Variants in CEP250 observed in about 807,000 individuals in gnomAD.
CEP250 encodes the protein centrosomal protein 250.
A neutral mutation model predicts 315.7 loss-of-function variants in CEP250; 242 were observed. That is an observed-to-expected ratio of 0.77 (90% CI 0.69 to 0.85). CEP250 has a LOEUF of 0.85. Ranked by LOEUF, CEP250 falls within the 40% of genes least tolerant of loss-of-function variation. CEP250 has a pLI of 0.00. For missense variants in CEP250, 2,515 were observed against 2,886.4 expected (o/e 0.87, Z 2.95); for synonymous variants, 1,088 against 1,175.0 (o/e 0.93, Z 1.51).
chr20:35,474,401 A>T (rs1206544414), intron 14 of CEP250, among the ~76,000 whole-genome samples: 6 of 152,244 alleles, frequency 3.9e-5, no homozygotes, highest in Non-Finnish European at 8.8e-5. Flanking sequence ...CTTTGGGAGC[A>T]CAGGAGTGAC....
rs2064068726 is a variant in CEP250, at chr20:35,503,212, G to C, written c.4843G>C (p.Glu1615Gln). The C allele has an allele frequency of 1.2e-6, 2 of 1,614,028 alleles. No individual in the cohort carries two copies. Among genetic ancestry groups the C allele is most frequent in the East Asian group, 2.2e-5 (1 of 44,898 alleles). Residue 1615 changes from glutamate to glutamine, a missense_variant, in exon 30 of 35, where the codon GAG becomes CAG. Coordinates refer to ENST00000397527, the MANE Select transcript of CEP250 (RefSeq NM_007186.6). This position sits in a 1 kb window ranked among gnomAD's most constrained non-coding sequence, Gnocchi z 4.2. ...ACAAAGCAGCCAGATCCATGACCTG[G>C]AGAGCCACAGCACCGTTCTGGCAAG... ...QAQSSQIHDL[E>Q]SHSTVLAREL...
Position 35,472,030 on chromosome 20 carries a change from CTG to C in CEP250, c.949-18_949-17del, listed in dbSNP as rs767701253. On this transcript the variant is annotated intron_variant, in intron 10 of 34. Coordinates refer to ENST00000397527, the MANE Select transcript of CEP250 (RefSeq NM_007186.6). Reference sequence around the variant, plus strand: ...CTTTTGAGAGTTTGGCTCTGAGGCTCTGTTCTATTCCCTGTTCAGGAGACAAA... The same window carrying C: ...CTTTTGAGAGTTTGGCTCTGAGGCTCTTCTATTCCCTGTTCAGGAGACAAA... 2.1e-6 allele frequency: 3 copies of C among 1,438,882 alleles called. No homozygotes were observed. The African/African-American group carries it at 4.2e-5, about 20-fold the overall frequency. 89.1% of individuals were successfully genotyped at this position (1,438,882 alleles called of 1,614,324 possible). A position where few individuals can be genotyped will look rare whatever the true frequency, so the allele number is the denominator to read the frequency against.
chr20:35,476,435 T>C lies in CEP250; in HGVS notation c.1717-14T>C. 1 of 1,607,766 alleles carries C rather than the reference T, an allele frequency of 6.2e-7. No homozygotes were observed. Among genetic ancestry groups the C allele is most frequent in the Non-Finnish European group, 8.5e-7 (1 of 1,174,984 alleles). ...TTGGAAATATGAAACTCTTTAATCCTTTTTGTTTTTTAGGCAGAGCAGTCA... is the reference window on the plus strand; with the variant it reads ...TTGGAAATATGAAACTCTTTAATCCCTTTTGTTTTTTAGGCAGAGCAGTCA... On this transcript the variant is annotated splice_polypyrimidine_tract_variant and intron_variant, in intron 15 of 34. Coordinates refer to ENST00000397527, the MANE Select transcript of CEP250 (RefSeq NM_007186.6).
rs2063034157 is a variant in CEP250 at position 35,471,975 on chromosome 20, G to A, written c.949-75G>A. ...ATAGAATAGACAGAATGAGACTTTG[G>A]TTGTTTGGGGTCCTGGAATAATAAA... On this transcript the variant is annotated intron_variant, in intron 10 of 34. Coordinates refer to ENST00000397527, the MANE Select transcript of CEP250 (RefSeq NM_007186.6). 20 of 876,672 alleles carry A rather than the reference G, an allele frequency of 2.3e-5. No individual in the cohort carries two copies. The South Asian group carries it at 2.5e-4, about 11-fold the overall frequency. 54.3% of individuals were successfully genotyped at this position (876,672 alleles called of 1,614,324 possible).
In CEP250 at chr20:35,479,364, T is replaced by G; in HGVS notation, c.2228T>G (p.Val743Gly). ...GTACGAGAGAAAGCGGCTCTAGAGG[T>G]GCGGCTGCAGGCCGTGGAGCGTGAC... ...ALVREKAALEVRLQAVERDRQ... is the reference protein window; with the variant it reads ...ALVREKAALEGRLQAVERDRQ... Residue 743 changes from valine to glycine, a missense_variant, in exon 18 of 35, where the codon GTG becomes GGG. Transcript: ENST00000397527. 6.2e-7 allele frequency: 1 copy of G among 1,613,914 alleles called. No homozygotes were observed. Among genetic ancestry groups the G allele is most frequent in the East Asian group, 2.2e-5 (1 of 44,858 alleles).
In CEP250 at chr20:35,491,192, A is replaced by AC. The variant is rs755773363; in HGVS notation, c.2755-14dup. 73 of 1,608,596 alleles carry AC rather than the reference A, an allele frequency of 4.5e-5. No homozygotes were observed. In the Middle Eastern group the frequency reaches 1.6e-3, roughly 35 times the overall value. On this transcript the variant is annotated intron_variant, in intron 21 of 34. Transcript: ENST00000397527. ...GGTAATCCTGAGCCCACAAGCTGTT[A>AC]CCCCCCTACCCCTCCACAGATGCAG...
Position 35,514,770 on chromosome 20 carries a change from A to G in CEP250, c.*3144A>G, listed in dbSNP as rs1042255264. 6.6e-6 allele frequency: 1 copy of G among 152,264 alleles called. No homozygotes were observed. The allele number at this position is 152,264 out of a possible 1,614,324, so 9.4% of individuals were successfully genotyped here. A position where few individuals can be genotyped will look rare whatever the true frequency, so the allele number is the denominator to read the frequency against. On this transcript the variant is annotated 3_prime_UTR_variant, in exon 35 of 35. Coordinates refer to ENST00000397527, the MANE Select transcript of CEP250 (RefSeq NM_007186.6). Reference sequence around the variant, plus strand: ...CAAAGTGCCAAAGGCTGTCTGCGCCAGGTCTGGGGCCCCCACTGGTCATAC... The same window carrying G: ...CAAAGTGCCAAAGGCTGTCTGCGCCGGGTCTGGGGCCCCCACTGGTCATAC...
intron 20 of CEP250, among the ~76,000 whole-genome samples, chr20:35,488,573 C>T (rs890700461): frequency 2.0e-5 from 3 of 152,090 alleles, no homozygotes; most frequent in Non-Finnish European, 2.9e-5. Context: ...AAGTGATCCT[C>T]CTACCTCAGC....
chr20:35,479,693 A>C lies in CEP250; in HGVS notation c.2336A>C (p.Gln779Pro). ...LESSLFEAQQ[Q>P]NSVIEVTKGQ... ...AGCAGTCTGTTTGAAGCCCAACAAC[A>C]AAATTCTGTGATAGAGGTCACCAAG... The change falls in exon 19 of 35, where the codon CAA becomes CCA. Residue 779 changes from glutamine (Q) to proline (P), a missense_variant. By Grantham distance (76) the Gln-to-Pro change is moderately conservative. Coordinates refer to ENST00000397527, the MANE Select transcript of CEP250 (RefSeq NM_007186.6). 1 of 1,614,198 alleles carries C rather than the reference A, an allele frequency of 6.2e-7. No homozygotes were observed. The highest frequency in any genetic ancestry group is 8.5e-7 in the Non-Finnish European group (1 of 1,180,048).
In CEP250 at chr20:35,473,460, C is replaced by T. The variant is rs2063077925; in HGVS notation, c.1296C>T (p.Ala432=). The T allele has an allele frequency of 3.1e-6, 5 of 1,614,064 alleles. No homozygotes were observed. The highest frequency in any genetic ancestry group is 1.3e-5 in the African/African-American group (1 of 74,924). ...QHDQWEEEGK[A]LRQRLQKLTG... is the part of the protein sequence containing the mutation. ...ATCAGTGGGAGGAAGAGGGCAAAGC[C>T]TTGAGACAGCGGCTGCAGAAGCTCA... Residue 432 remains alanine, a synonymous_variant, in exon 13 of 35, where the codon GCC becomes GCT. Coordinates refer to ENST00000397527, the MANE Select transcript of CEP250 (RefSeq NM_007186.6).
At chr20:35,498,964 G>A (rs1219241408) in intron 27 of CEP250, among the ~76,000 whole-genome samples, 1 of 152,130 alleles carries the variant, frequency 6.6e-6, no homozygotes, top group Non-Finnish European at 1.5e-5. Flanking sequence ...GATCTTGAAT[G>A]AGCCCTGTAA....
rs777235501 is a variant in CEP250 at position 35,479,234 on chromosome 20, C to T, written c.2098C>T (p.Arg700Cys). Residue 700 changes from arginine to cysteine, a missense_variant, in exon 18 of 35, where the codon CGT becomes TGT. Transcript: ENST00000397527. ...EEIQKKLSESRHQQEAATTQL... is the reference protein window; with the variant it reads ...EEIQKKLSESCHQQEAATTQL... ...CTCACCACATTCTTCCCCTCAGTCA[C>T]GTCACCAGCAGGAGGCAGCCACGAC... 2.5e-6 allele frequency: 4 copies of T among 1,613,296 alleles called. No homozygotes were observed. The Admixed American group carries it at 5.0e-5, about 20-fold the overall frequency.
At position 35,504,017 on chromosome 20, in the gene CEP250, A is replaced by G. The variant is rs771679613; in HGVS notation, c.5648A>G (p.Gln1883Arg). Residue 1883 changes from glutamine to arginine, a missense_variant, in exon 30 of 35, where the codon CAG becomes CGG. Transcript: ENST00000397527. Reference sequence around the variant, plus strand: ...CTGGCAGTGGAGGGACGGCGGGTCCAGGCCCTGGAGGAGGTGCTGGGAGAC... The same window carrying G: ...CTGGCAGTGGAGGGACGGCGGGTCCGGGCCCTGGAGGAGGTGCTGGGAGAC... Reference protein sequence around the residue: ...EELAVEGRRVQALEEVLGDLR... With the variant: ...EELAVEGRRVRALEEVLGDLR... The G allele has an allele frequency of 1.2e-6, 2 of 1,607,700 alleles. No homozygotes were observed. Among genetic ancestry groups the G allele is most frequent in the Non-Finnish European group, 1.7e-6 (2 of 1,176,512 alleles).
Position 35,503,531 on chromosome 20 carries a change from G to A in CEP250, c.5162G>A (p.Arg1721His), listed in dbSNP as rs375993979. 24 of 1,613,938 alleles carry A rather than the reference G, an allele frequency of 1.5e-5. No individual in the cohort carries two copies. Among genetic ancestry groups the A allele is most frequent in the African/African-American group, 1.3e-4 (10 of 74,914 alleles). ...GGGAAGGGCCCAAGTAAAGCACAGC[G>A]CGGGAGCCTAGAGCACATGAAGCTG... Reference protein sequence around the residue: ...EEGKGPSKAQRGSLEHMKLIL... With the variant: ...EEGKGPSKAQHGSLEHMKLIL... Residue 1721 changes from arginine to histidine, a missense_variant, in exon 30 of 35, where the codon CGC becomes CAC. Physicochemically the swap from Arg to His is conservative, Grantham distance 29. Coordinates refer to ENST00000397527, the MANE Select transcript of CEP250 (RefSeq NM_007186.6). The surrounding 1 kb of genome is among the most constrained non-coding windows in gnomAD (Gnocchi z 4.2).
At chr20:35,500,366 G>T (rs2063968867) in intron 28 of CEP250, among the ~76,000 whole-genome samples, 197 bp downstream of exon 28, 1 of 152,240 alleles carries the variant, frequency 6.6e-6, no homozygotes, top group African/African-American at 2.4e-5. Context: ...GAGCAGCTAG[G>T]ATTATAGGCA....
chr20:35,465,763 G>A lies in CEP250; in HGVS notation c.264G>A (p.Trp88Ter). 6 of 1,607,098 alleles carry A rather than the reference G, an allele frequency of 3.7e-6. No homozygotes were observed. Among genetic ancestry groups the A allele is most frequent in the Non-Finnish European group, 5.1e-6 (6 of 1,177,214 alleles). ...EATGGPIPQR[W>*]ENVEEPNLDE... ...CGCAGGGACCAATCCCCCAGAGGTGGGAAAATGTGGAGGAGCCAAACCTGG... is the reference window on the plus strand; with the variant it reads ...CGCAGGGACCAATCCCCCAGAGGTGAGAAAATGTGGAGGAGCCAAACCTGG... The change falls in exon 6 of 35, where the codon TGG becomes TGA. Residue 88 changes from tryptophan (W) to a stop codon, truncating the protein, a stop_gained. Transcript: ENST00000397527. LOFTEE classifies it high-confidence loss of function.
chr20:35,489,306 A>C (rs778361027), intron 20 of CEP250, among the ~76,000 whole-genome samples: 15 of 152,192 alleles, frequency 9.9e-5, no homozygotes, highest in Non-Finnish European at 1.9e-4. Context: ...AGGCTGAAAC[A>C]CTAGAGGCGT....
intron 16 of CEP250, 34 bp downstream of exon 16, chr20:35,476,629 G>T (rs1401029289): frequency 6.9e-6 from 11 of 1,600,552 alleles, no homozygotes; most frequent in African/African-American, 1.3e-5. Context: ...CCACAGAAGG[G>T]CTGGGCCCTA....
At chr20:35,479,111 C>G (rs2063262455) in intron 17 of CEP250, 120 bp from the exon 18 acceptor site, 1 of 933,448 alleles carries the variant, frequency 1.1e-6, no homozygotes, top group Admixed American at 2.7e-5. Context: ...ATTGGGTAAG[C>G]AATCCGGGCT....
Sources: gnomAD v4.1 joint callset for allele counts (sites outside exome capture counted in the v4.1 genomes callset) on GRCh38, gnomAD v4.1.1 for gene constraint, Gnocchi (gnomAD v3.1) non-coding constraint, MANE v1.5 for transcripts, NCBI Gene and HGNC (gene_info 2026-07-23, HGNC 2026-07-21) for gene names.